The following CDYL variants were observed in gnomAD, a reference collection of about 807,000 sequenced individuals.
CDYL encodes the protein chromodomain Y-like protein.
In CDYL, 8 loss-of-function variants were observed where a neutral mutation model predicts 47.3. The ratio of observed to expected loss-of-function variants is 0.17; its 90% CI spans 0.10 to 0.31. The LOEUF is 0.31. CDYL is among the 10% of genes least tolerant of loss of function. CDYL has a pLI of 1.00. For missense variants in CDYL, 471 were observed against 701.4 expected (o/e 0.67, Z 3.71); for synonymous variants, 266 against 265.0 (o/e 1.00, Z -0.04).
chr6:4,829,448 A>G (rs1760073195), intron 1 of CDYL, among the ~76,000 whole-genome samples: 1 of 152,090 alleles, frequency 6.6e-6, no homozygotes, highest in African/African-American at 2.4e-5. Flanking sequence ...TTTGCATTTA[A>G]CTCTGTGACT....
At chr6:4,863,010 A>G (rs898411442) in intron 1 of CDYL, among the ~76,000 whole-genome samples, 2 of 152,244 alleles carry the variant, frequency 1.3e-5, no homozygotes, top group Non-Finnish European at 2.9e-5. Flanking sequence ...ACCATGGAAT[A>G]CTATACCCCC....
At chr6:4,814,648 C>G (rs565828791) in intron 1 of CDYL, among the ~76,000 whole-genome samples, 1 of 152,214 alleles carries the variant, frequency 6.6e-6, no homozygotes, top group Non-Finnish European at 1.5e-5. Context: ...GCCCCAGCCT[C>G]CCTGGTAGCT....
rs188503908 is a variant in CDYL, at chr6:4,860,589, A to G, written c.25-31124A>G. ...ATATATTTTGTATATTATGTATAAT[A>G]TACATATATATCATATATATTATAT... On this transcript the variant is annotated intron_variant, in intron 1 of 6. Transcript: ENST00000397588. Among the ~76,000 whole-genome samples, 536 of 145,508 alleles carry G rather than the reference A, an allele frequency of 3.7e-3. 3 individuals are homozygous for G. The highest frequency in any genetic ancestry group is 0.014 in the African/African-American group (521 of 38,556).
At chr6:4,710,099 G>GT (rs748284112) in intron 1 of CDYL, among the ~76,000 whole-genome samples, 20 of 152,038 alleles carry the variant, frequency 1.3e-4, no homozygotes, top group Non-Finnish European at 2.6e-4. Flanking sequence ...GCATGCACCT[G>GT]TAATCCCAGC....
intron 6 of CDYL, 92 bp downstream of exon 6, chr6:4,952,501 C>T (rs1758738857): frequency 7.1e-7 from 1 of 1,414,046 alleles, no homozygotes; most frequent in South Asian, 1.4e-5. Context: ...TTCCTAAGTC[C>T]TTTACGTTTG....
chr6:4,900,785 A>ATG (rs1279182436), intron 2 of CDYL, among the ~76,000 whole-genome samples: 454 of 31,512 alleles, frequency 0.014, 28 homozygotes, highest in Middle Eastern at 0.047. Flanking sequence ...GTGTGTATAT[A>ATG]TATATATATA....
chr6:4,846,520 C>G (rs1190807175), intron 1 of CDYL, among the ~76,000 whole-genome samples: 1 of 152,100 alleles, frequency 6.6e-6, no homozygotes, highest in Non-Finnish European at 1.5e-5. Context: ...TGCCAGCATG[C>G]TTTCTTCCGT....
chr6:4,711,310 A>T (rs1032301507), intron 1 of CDYL, among the ~76,000 whole-genome samples: 20 of 152,320 alleles, frequency 1.3e-4, no homozygotes, highest in African/African-American at 4.8e-4. Context: ...AGTTTCAGTG[A>T]CTTACGGGAA....
chr6:4,780,474 G>A (rs980950515), intron 1 of CDYL, among the ~76,000 whole-genome samples: 1 of 137,156 alleles, frequency 7.3e-6, no homozygotes, highest in Non-Finnish European at 1.5e-5. Flanking sequence ...TCACCTTGTG[G>A]GCCAGGCTGG....
At chr6:4,875,967 A>G (rs1761609647) in intron 1 of CDYL, among the ~76,000 whole-genome samples, 1 of 152,110 alleles carries the variant, frequency 6.6e-6, no homozygotes, top group Non-Finnish European at 1.5e-5. Context: ...TTTTATGTAA[A>G]ATTTCCTAAC....
chr6:4,902,098 C>T (rs763373118), intron 2 of CDYL, among the ~76,000 whole-genome samples: 7 of 152,034 alleles, frequency 4.6e-5, no homozygotes, highest in Non-Finnish European at 1.0e-4. Context: ...GGGCTAGTAA[C>T]AATAGAAATG....
chr6:4,772,991 G>T (rs372221259), upstream of CDYL: 3 of 382,550 alleles, frequency 7.8e-6, no homozygotes, highest in Admixed American at 3.3e-5. Context: ...GGTTTGGCTG[G>T]TGATTGGGAA....
intron 1 of CDYL, among the ~76,000 whole-genome samples, chr6:4,785,046 A>G (rs1259515061): frequency 6.6e-6 from 1 of 152,178 alleles, no homozygotes; most frequent in Non-Finnish European, 1.5e-5. Flanking sequence ...GGTCTCGGGT[A>G]TGTCTTTATT....
chr6:4,773,884 A>C (rs1475863271), upstream of CDYL, among the ~76,000 whole-genome samples: 1 of 152,236 alleles, frequency 6.6e-6, no homozygotes, highest in Non-Finnish European at 1.5e-5. This position sits in a 1 kb window ranked among gnomAD's most constrained non-coding sequence, Gnocchi z 4.6. Context: ...ACAAAGGTCT[A>C]TGTAAATTGA....
intron 2 of CDYL, among the ~76,000 whole-genome samples, chr6:4,724,107 C>T (rs973679812): frequency 6.6e-6 from 1 of 152,230 alleles, no homozygotes. Flanking sequence ...GGGGCATGAT[C>T]TTGGCTCACT....
chr6:4,737,664 C>CTG (rs373745537), intron 3 of CDYL, among the ~76,000 whole-genome samples: 170 of 151,348 alleles, frequency 1.1e-3, no homozygotes, highest in African/African-American at 3.9e-3. Flanking sequence ...GTAGGGGGGA[C>CTG]TACAGGCATG....
At chr6:4,833,899 T>C (rs918109392) in intron 1 of CDYL, among the ~76,000 whole-genome samples, 2 of 152,008 alleles carry the variant, frequency 1.3e-5, no homozygotes, top group African/African-American at 4.8e-5. Context: ...TTGCAACCCC[T>C]GCCTTTTTTT....
At chr6:4,718,512 A>C (rs2127408922) in intron 2 of CDYL, 1 of 152,232 alleles carries the variant, frequency 6.6e-6, no homozygotes, top group Non-Finnish European at 1.5e-5. Flanking sequence ...TTCTGATCTC[A>C]AGTGATTCAC....
intron 1 of CDYL, among the ~76,000 whole-genome samples, chr6:4,883,871 T>C (rs150288757): frequency 1.3e-5 from 2 of 152,322 alleles, no homozygotes; most frequent in East Asian, 3.9e-4. Flanking sequence ...CAGAGAACTT[T>C]GAGTATGTAA....
Sources: gnomAD v4.1 joint callset for allele counts (sites outside exome capture counted in the v4.1 genomes callset) on GRCh38, gnomAD v4.1.1 for gene constraint, Gnocchi (gnomAD v3.1) non-coding constraint, MANE v1.5 for transcripts, NCBI Gene and HGNC (gene_info 2026-07-23, HGNC 2026-07-21) for gene names.